Variants in XKR9 observed in about 807,000 individuals in gnomAD.
XKR9 encodes XK related 9.
In XKR9, 32 loss-of-function variants were observed where a neutral mutation model predicts 32.0. The observed-to-expected ratio is 1.00, with a 90% CI of 0.76 to 1.34. XKR9 has a LOEUF of 1.34. Ranked by LOEUF, XKR9 falls within the 40% of genes most tolerant of loss-of-function variation. The pLI is 0.00. For missense variants in XKR9, 546 were observed against 429.7 expected (o/e 1.27, Z -2.39); for synonymous variants, 168 against 143.4 (o/e 1.17, Z -1.22).
intron 2 of XKR9, among the ~76,000 whole-genome samples, chr8:70,785,593 T>C (rs933984509): frequency 2.7e-5 from 4 of 150,764 alleles, no homozygotes; most frequent in Admixed American, 2.0e-4. Flanking sequence ...TGAGGTAGAA[T>C]GTTAAGTTGT....
chr8:70,978,201 G>A, the XKR9 span, among the ~76,000 whole-genome samples: 1 of 152,132 alleles, frequency 6.6e-6, no homozygotes, highest in African/African-American at 2.4e-5. Context: ...TTGCCAGTCT[G>A]TGTCTTTTAA....
the XKR9 span, among the ~76,000 whole-genome samples, chr8:70,944,021 A>G: frequency 6.6e-6 from 1 of 152,302 alleles, no homozygotes; most frequent in East Asian, 1.9e-4. Flanking sequence ...TTAATTTTCT[A>G]AGTGTCAGAT....
At chr8:70,859,277 A>C in the XKR9 span, among the ~76,000 whole-genome samples, 1 of 152,176 alleles carries the variant, frequency 6.6e-6, no homozygotes, top group East Asian at 1.9e-4. Context: ...CATCAGAGAA[A>C]TGCAATCAAA....
chr8:70,748,363 G>T (rs1215107756), intron 2 of XKR9, among the ~76,000 whole-genome samples: 2 of 152,242 alleles, frequency 1.3e-5, no homozygotes, highest in Non-Finnish European at 2.9e-5. Flanking sequence ...AGGCTTGGAA[G>T]TGTCTGCTCC....
rs1013060646 is a variant in XKR9 at position 70,777,801 on chromosome 8, G to A, written n.353-11538G>A. Among the ~76,000 whole-genome samples the A allele has an allele frequency of 2.0e-5, 3 of 151,048 alleles. No individual in the cohort carries two copies. In the East Asian group the frequency reaches 5.8e-4, roughly 29 times the overall value. ...ATATCCTTTGCCCAATTTTTGATGA[G>A]GTTTTTTTTTCTTGTAAATTTGTTG... On this transcript the variant is annotated intron_variant and non_coding_transcript_variant, in intron 2 of 3. Transcript: ENST00000520273.
the XKR9 span, among the ~76,000 whole-genome samples, chr8:70,872,667 G>C: frequency 9.9e-5 from 15 of 152,032 alleles, no homozygotes; most frequent in Non-Finnish European, 1.6e-4. Context: ...GCAGCTGGTG[G>C]CTTTTTTTTT....
At chr8:70,682,772 CT>C (rs1237449334) in intron 3 of XKR9, among the ~76,000 whole-genome samples, 1 of 152,158 alleles carries the variant, frequency 6.6e-6, no homozygotes, top group Admixed American at 6.5e-5. Flanking sequence ...TTTTTCAAGA[CT>C]TTCTGCTTAG....
chr8:70,904,287 A>G, the XKR9 span, among the ~76,000 whole-genome samples: 1 of 152,094 alleles, frequency 6.6e-6, no homozygotes, highest in African/African-American at 2.4e-5. Flanking sequence ...TTGCTTTATG[A>G]ATCTGGTTGC....
chr8:70,883,341 T>G, the XKR9 span, among the ~76,000 whole-genome samples: 1 of 152,174 alleles, frequency 6.6e-6, no homozygotes, highest in East Asian at 1.9e-4. Context: ...TATTCCTTGG[T>G]GTATATATAC....
chr8:71,047,694 C>G, the XKR9 span, among the ~76,000 whole-genome samples: 1 of 152,146 alleles, frequency 6.6e-6, no homozygotes, highest in Non-Finnish European at 1.5e-5. Context: ...GGCCTGTGAG[C>G]TCCTGCAGGG....
the XKR9 span, among the ~76,000 whole-genome samples, chr8:70,839,705 T>G: frequency 6.6e-6 from 1 of 152,250 alleles, no homozygotes; most frequent in East Asian, 1.9e-4. Flanking sequence ...GAAGACAGTC[T>G]AACTTTGACA....
chr8:70,736,780 A>C (rs1422175610), downstream of XKR9, among the ~76,000 whole-genome samples: 1 of 151,550 alleles, frequency 6.6e-6, no homozygotes, highest in Non-Finnish European at 1.5e-5. Flanking sequence ...ATAGTTGTAG[A>C]TATGCGGCGT....
the XKR9 span, among the ~76,000 whole-genome samples, chr8:71,007,105 A>G: frequency 6.6e-6 from 1 of 152,074 alleles, no homozygotes; most frequent in Admixed American, 6.5e-5. Context: ...GCAATCAATT[A>G]TTTCTCAATG....
the XKR9 span, among the ~76,000 whole-genome samples, chr8:70,918,666 C>T: frequency 1.3e-5 from 2 of 151,254 alleles, no homozygotes; most frequent in East Asian, 3.9e-4. Flanking sequence ...GCACTCCAGC[C>T]TGGGTGACAG....
At chr8:70,886,324 T>C in the XKR9 span, among the ~76,000 whole-genome samples, 3 of 152,364 alleles carry the variant, frequency 2.0e-5, no homozygotes, top group South Asian at 6.2e-4. Flanking sequence ...AAGTCTTTGC[T>C]ATTGTACATC....
At chr8:70,927,472 G>A in the XKR9 span, among the ~76,000 whole-genome samples, 1 of 152,148 alleles carries the variant, frequency 6.6e-6, no homozygotes, top group Non-Finnish European at 1.5e-5. Flanking sequence ...GATTCTGGAG[G>A]CTGGGAAGTC....
At chr8:70,858,966 C>G in the XKR9 span, among the ~76,000 whole-genome samples, 1 of 151,982 alleles carries the variant, frequency 6.6e-6, no homozygotes, top group Non-Finnish European at 1.5e-5. Flanking sequence ...TTGTGTAAGA[C>G]CTCAAAAACA....
intron 2 of XKR9, among the ~76,000 whole-genome samples, chr8:70,761,171 C>T (rs1807303593): frequency 6.6e-6 from 1 of 152,184 alleles, no homozygotes; most frequent in Admixed American, 6.5e-5. Context: ...CTGCAATGAA[C>T]ATACACATGC....
chr8:71,013,126 TA>T, the XKR9 span, among the ~76,000 whole-genome samples: 2 of 152,124 alleles, frequency 1.3e-5, no homozygotes, highest in Non-Finnish European at 2.9e-5. Flanking sequence ...CGGTAGAACT[TA>T]AGCTCGTTTC....
Sources: gnomAD v4.1 joint callset for allele counts (sites outside exome capture counted in the v4.1 genomes callset) on GRCh38, gnomAD v4.1.1 for gene constraint, MANE v1.5 for transcripts, NCBI Gene and HGNC (gene_info 2026-07-23, HGNC 2026-07-21) for gene names.